KCND2: variants seen among roughly 807,000 people sequenced by gnomAD.
KCND2 encodes the protein A-type voltage-gated potassium channel KCND2.
In KCND2, 16 loss-of-function variants were observed where a neutral mutation model predicts 54.4. That is an observed-to-expected ratio of 0.29 (90% CI 0.20 to 0.45). The LOEUF is 0.45. Ranked by LOEUF, KCND2 falls within the 20% of genes least tolerant of loss-of-function variation. The probability of loss-of-function intolerance (pLI) is 1.00; values close to 1 mark genes in which losing one functional copy is unlikely to be tolerated. For synonymous variants in KCND2, 317 were observed against 310.7 expected, an observed-to-expected ratio of 1.02 and a Z score of -0.21; for missense variants, 486 against 824.2, an observed-to-expected ratio of 0.59 and a Z score of 5.02.
chr7:120,458,755 T>G (rs1408424638), intron 1 of KCND2, among the ~76,000 whole-genome samples: 1 of 152,056 alleles, frequency 6.6e-6, no homozygotes, highest in Non-Finnish European at 1.5e-5. Flanking sequence ...ATGTCATTCT[T>G]TAATCTTTTC....
chr7:120,641,828 G>C (rs1361760063), intron 1 of KCND2, among the ~76,000 whole-genome samples: 1 of 137,574 alleles, frequency 7.3e-6, no homozygotes, highest in Non-Finnish European at 1.5e-5. Flanking sequence ...AAAAACCAGT[G>C]TTCTGTGTTA....
chr7:120,737,834 C>T (rs1420405521), intron 2 of KCND2, among the ~76,000 whole-genome samples: 3 of 151,974 alleles, frequency 2.0e-5, no homozygotes, highest in African/African-American at 7.2e-5. Context: ...AAGAGAAACA[C>T]CTTCATTACC....
chr7:120,622,030 C>CT (rs1305874584), intron 1 of KCND2, among the ~76,000 whole-genome samples: 5 of 151,244 alleles, frequency 3.3e-5, no homozygotes, highest in African/African-American at 9.7e-5. Context: ...AGACTCTTTT[C>CT]TTTTTTCTTT....
intron 1 of KCND2, among the ~76,000 whole-genome samples, chr7:120,588,370 C>T (rs964029883): frequency 1.2e-4 from 18 of 150,124 alleles, no homozygotes; most frequent in Admixed American, 2.7e-4. Context: ...ATTTTTATTG[C>T]AGCCAGGAAT....
intron 1 of KCND2, among the ~76,000 whole-genome samples, chr7:120,393,634 G>T (rs976069628): frequency 1.3e-5 from 2 of 151,832 alleles, no homozygotes; most frequent in Admixed American, 1.3e-4. Flanking sequence ...AATATATGAA[G>T]ATTTAAAATT....
chr7:120,395,385 T>C (rs1406650657), intron 1 of KCND2, among the ~76,000 whole-genome samples: 1 of 152,054 alleles, frequency 6.6e-6, no homozygotes, highest in African/African-American at 2.4e-5. Flanking sequence ...TAACATTGGC[T>C]TACAGTATTG....
At chr7:120,688,853 A>G (rs1253307507) in intron 1 of KCND2, among the ~76,000 whole-genome samples, 1 of 152,218 alleles carries the variant, frequency 6.6e-6, no homozygotes, top group East Asian at 1.9e-4. Context: ...CCCAGTGTTA[A>G]GAGTATCAAA....
intron 1 of KCND2, among the ~76,000 whole-genome samples, chr7:120,324,467 G>A (rs368791734): frequency 2.0e-5 from 3 of 146,782 alleles, no homozygotes; most frequent in South Asian, 2.3e-4. Context: ...ATCTTGAATT[G>A]ATTTTTGTAT....
intron 1 of KCND2, among the ~76,000 whole-genome samples, chr7:120,408,556 T>A (rs1229202041): frequency 6.6e-6 from 1 of 151,716 alleles, no homozygotes; most frequent in African/African-American, 2.4e-5. Flanking sequence ...CAACAAAAAG[T>A]TTAAGACTCG....
chr7:120,393,339 A>G (rs1801105614), intron 1 of KCND2, among the ~76,000 whole-genome samples: 2 of 152,018 alleles, frequency 1.3e-5, no homozygotes, highest in Admixed American at 6.6e-5. Flanking sequence ...CATTAATGTT[A>G]GTTCCTTCTT....
At chr7:120,431,861 G>A (rs12535181) in intron 1 of KCND2, among the ~76,000 whole-genome samples, 175 of 151,770 alleles carry the variant, frequency 1.2e-3, no homozygotes, top group African/African-American at 3.4e-3. Context: ...ACATTTGCAC[G>A]CACACACATC....
chr7:120,530,144 A>G (rs2116362674), intron 1 of KCND2, among the ~76,000 whole-genome samples: 1 of 152,318 alleles, frequency 6.6e-6, no homozygotes, highest in East Asian at 1.9e-4. Context: ...ACTATTGTCA[A>G]TAATAGCTTA....
At chr7:120,468,400 C>G (rs1802408930) in intron 1 of KCND2, among the ~76,000 whole-genome samples, 1 of 152,010 alleles carries the variant, frequency 6.6e-6, no homozygotes, top group African/African-American at 2.4e-5. Context: ...ATGACTTCTT[C>G]TGAACATCAT....
intron 1 of KCND2, among the ~76,000 whole-genome samples, chr7:120,666,565 A>C (rs1791929292): frequency 6.6e-6 from 1 of 152,068 alleles, no homozygotes; most frequent in Admixed American, 6.6e-5. Flanking sequence ...GTGAGAACTC[A>C]GCATAGATAC....
At chr7:120,387,230 G>A (rs1359668219) in intron 1 of KCND2, among the ~76,000 whole-genome samples, 1 of 151,926 alleles carries the variant, frequency 6.6e-6, no homozygotes, top group East Asian at 1.9e-4. Flanking sequence ...GAATGAATAT[G>A]CATATGATAT....
At chr7:120,291,708 A>G (rs974755473) in intron 1 of KCND2, among the ~76,000 whole-genome samples, 1 of 151,920 alleles carries the variant, frequency 6.6e-6, no homozygotes, top group Non-Finnish European at 1.5e-5. Context: ...GACTCTTCAC[A>G]TTGGCTGATT....
At chr7:120,690,533 C>A (rs1447347642) in intron 1 of KCND2, among the ~76,000 whole-genome samples, 1 of 152,192 alleles carries the variant, frequency 6.6e-6, no homozygotes, top group Non-Finnish European at 1.5e-5. Flanking sequence ...GTGACATACC[C>A]TGTTTGCATC....
At chr7:120,680,691 A>T (rs1007215920) in intron 1 of KCND2, among the ~76,000 whole-genome samples, 2 of 151,954 alleles carry the variant, frequency 1.3e-5, no homozygotes, top group African/African-American at 2.4e-5. Flanking sequence ...ATATTAACTT[A>T]TTTTCAGCAT....
intron 1 of KCND2, among the ~76,000 whole-genome samples, chr7:120,338,363 T>C (rs1340452208): frequency 6.6e-6 from 1 of 152,066 alleles, no homozygotes; most frequent in Non-Finnish European, 1.5e-5. Flanking sequence ...TATTTTGGGC[T>C]TTGTTTTTTA....
Sources: gnomAD v4.1 joint callset for allele counts (sites outside exome capture counted in the v4.1 genomes callset) on GRCh38, gnomAD v4.1.1 for gene constraint, MANE v1.5 for transcripts, NCBI Gene and HGNC (gene_info 2026-07-23, HGNC 2026-07-21) for gene names.